MAD1L1: variants seen among roughly 807,000 people sequenced by gnomAD.
The protein encoded by MAD1L1 is mitotic spindle assembly checkpoint protein MAD1.
MAD1L1 carries 95 observed loss-of-function variants against 96.9 expected under a neutral mutation model. The observed-to-expected ratio is 0.98, with a 90% confidence interval of 0.83 to 1.16. MAD1L1 has a LOEUF of 1.16. Ranked by LOEUF, MAD1L1 falls within the 50% of genes most tolerant of loss-of-function variation. The probability of loss-of-function intolerance (pLI) is 0.00; values close to 1 mark genes in which losing one functional copy is unlikely to be tolerated. For synonymous variants in MAD1L1, 473 were observed against 396.6 expected (o/e 1.19, Z -2.29); for missense variants, 1,007 against 954.4 (o/e 1.06, Z -0.73).
intron 13 of MAD1L1, among the ~76,000 whole-genome samples, chr7:2,007,770 C>T (rs546573036): frequency 2.6e-5 from 4 of 152,198 alleles, no homozygotes; most frequent in East Asian, 1.9e-4. Flanking sequence ...AAGTCTGGCA[C>T]GCAGATATTC....
intron 10 of MAD1L1, among the ~76,000 whole-genome samples, chr7:2,187,531 C>T (rs966890055): frequency 1.3e-5 from 2 of 152,176 alleles, no homozygotes; most frequent in Non-Finnish European, 2.9e-5. Context: ...CTGACAGGCA[C>T]AATCACAGCT....
chr7:1,988,320 C>T (rs1483713765), intron 14 of MAD1L1, among the ~76,000 whole-genome samples: 1 of 152,196 alleles, frequency 6.6e-6, no homozygotes, highest in Non-Finnish European at 1.5e-5. Flanking sequence ...ACACAGCAGC[C>T]CGGCCGTCCC....
chr7:2,033,106 C>A (rs761521522), intron 12 of MAD1L1, among the ~76,000 whole-genome samples: 6 of 152,256 alleles, frequency 3.9e-5, no homozygotes, highest in Non-Finnish European at 7.3e-5. Context: ...AGAGCTCACG[C>A]TCCCAGCCCA....
At chr7:1,863,009 C>A (rs1220346605) in intron 18 of MAD1L1, among the ~76,000 whole-genome samples, 1 of 152,240 alleles carries the variant, frequency 6.6e-6, no homozygotes, top group Non-Finnish European at 1.5e-5. Context: ...AGAGCCTCCT[C>A]CTCACTGCCT....
chr7:1,935,570 C>T (rs1174904733), intron 17 of MAD1L1, among the ~76,000 whole-genome samples: 1 of 152,190 alleles, frequency 6.6e-6, no homozygotes, highest in African/African-American at 2.4e-5. Context: ...AGACCCTCCC[C>T]ACAAAGGAGC....
intron 18 of MAD1L1, among the ~76,000 whole-genome samples, chr7:1,821,110 A>C (rs1366888962): frequency 6.6e-6 from 1 of 151,364 alleles, no homozygotes; most frequent in Non-Finnish European, 1.5e-5. Flanking sequence ...GGGGAGAGTG[A>C]AATGACCAAT....
At chr7:1,887,861 A>ACGTGTGTGTGGGGCTGCCTGGG (rs138793674) in intron 18 of MAD1L1, among the ~76,000 whole-genome samples, 2 of 132,260 alleles carry the variant, frequency 1.5e-5, no homozygotes, top group African/African-American at 5.8e-5. Flanking sequence ...GTGTGTGTGC[A>ACGTGTGTGTGGGGCTGCCTGGG]CGTGTGTGTG....
intron 15 of MAD1L1, among the ~76,000 whole-genome samples, chr7:1,978,773 T>C (rs1262237761): frequency 1.3e-5 from 2 of 151,924 alleles, no homozygotes; most frequent in East Asian, 1.9e-4. Flanking sequence ...CCCCGAGACA[T>C]GGAGACGCAG....
chr7:2,105,819 C>T (rs535868098), intron 11 of MAD1L1, among the ~76,000 whole-genome samples: 12 of 152,206 alleles, frequency 7.9e-5, no homozygotes, highest in South Asian at 2.1e-4. Flanking sequence ...TCCTCCTCAA[C>T]GCTCCTCACC....
chr7:2,067,491 G>A (rs1784930268), intron 12 of MAD1L1, among the ~76,000 whole-genome samples: 1 of 152,130 alleles, frequency 6.6e-6, no homozygotes, highest in Non-Finnish European at 1.5e-5. Context: ...ACCGAGCTAA[G>A]GTGTCCCGCC....
chr7:1,900,807 T>TA (rs1331551115), intron 17 of MAD1L1, among the ~76,000 whole-genome samples: 1 of 152,226 alleles, frequency 6.6e-6, no homozygotes, highest in African/African-American at 2.4e-5. Context: ...TGTTTTCCGA[T>TA]AGACTTCAAA....
chr7:1,850,771 G>T (rs189094655), intron 18 of MAD1L1, among the ~76,000 whole-genome samples: 1 of 152,322 alleles, frequency 6.6e-6, no homozygotes, highest in East Asian at 1.9e-4. Flanking sequence ...GGTGACAGCA[G>T]TGATTGCGAC....
intron 15 of MAD1L1, among the ~76,000 whole-genome samples, chr7:1,972,080 G>A (rs530854731): frequency 2.0e-5 from 3 of 152,246 alleles, no homozygotes; most frequent in South Asian, 4.2e-4. Context: ...GAGACTGCTC[G>A]CCTGCCGCCA....
chr7:1,883,574 C>T (rs1429284448), intron 18 of MAD1L1, among the ~76,000 whole-genome samples: 1 of 152,182 alleles, frequency 6.6e-6, no homozygotes, highest in African/African-American at 2.4e-5. Flanking sequence ...CACCAGGGGA[C>T]GGACAACTCC....
rs542654170 is a variant in MAD1L1, at chr7:1,922,620, C to T, written c.1807+14067G>A. Among the ~76,000 whole-genome samples the T allele has an allele frequency of 1.3e-4, 20 of 152,332 alleles. No individual in the cohort carries two copies. The East Asian group carries it at 2.7e-3, about 21-fold the overall frequency. The stretch of plus-strand genomic sequence containing the variant: ...AAGGGTCGGTCCTGCCTTTCCAGTC[C>T]GTGTGCCTTCGACCTCCTCACCCTG... On this transcript the variant is annotated intron_variant, in intron 17 of 18. Transcript: ENST00000265854.
At chr7:2,072,501 T>A (rs898654136) in intron 11 of MAD1L1, among the ~76,000 whole-genome samples, 2 of 152,216 alleles carry the variant, frequency 1.3e-5, no homozygotes, top group Non-Finnish European at 2.9e-5. Context: ...ACACATATTA[T>A]GAGGCTACTT....
rs114744627 is a variant in MAD1L1, at chr7:2,125,366, C to T, written c.1073+23786G>A. On this transcript the variant is annotated intron_variant, in intron 11 of 18. Transcript: ENST00000265854. ...CAAGCAGCAGCCCTGAGCCGAGCCA[C>T]CCACGCATCCTTCCTCCTCATGCTG... Among the ~76,000 whole-genome samples the T allele has an allele frequency of 7.2e-3, 1,091 of 152,272 alleles. 13 individuals are homozygous for T. The highest frequency in any genetic ancestry group is 0.025 in the African/African-American group (1,025 of 41,558).
At chr7:2,116,518 GGGCAGGGCCTGGATAA>G (rs1247338488) in intron 11 of MAD1L1, among the ~76,000 whole-genome samples, 1 of 151,402 alleles carries the variant, frequency 6.6e-6, no homozygotes, top group Non-Finnish European at 1.5e-5. Flanking sequence ...GACCCCAGGT[GGGCAGGGCCTGGATAA>G]GGCAGGTACC....
rs1340146044 is a variant in MAD1L1 at position 2,142,801 on chromosome 7, C to T, written c.1073+6351G>A. On this transcript the variant is annotated intron_variant, in intron 11 of 18. Coordinates refer to ENST00000265854, the MANE Select transcript of MAD1L1 (RefSeq NM_001013836.2). The surrounding 1 kb of genome is among the most constrained non-coding windows in gnomAD (Gnocchi z 4.7). ...GCAGGTGGTCAGGTTGAGCATGAGA[C>T]TTGCTGGGAACACATGGCTGAGGCC... Among the ~76,000 whole-genome samples the T allele has an allele frequency of 2.0e-5, 3 of 152,238 alleles. No homozygotes were observed. The East Asian group carries it at 5.8e-4, about 29-fold the overall frequency.
Sources: gnomAD v4.1 joint callset for allele counts (sites outside exome capture counted in the v4.1 genomes callset) on GRCh38, gnomAD v4.1.1 for gene constraint, Gnocchi (gnomAD v3.1) non-coding constraint, MANE v1.5 for transcripts, NCBI Gene and HGNC (gene_info 2026-07-23, HGNC 2026-07-21) for gene names.